ANKRD11: variants seen among roughly 807,000 people sequenced by gnomAD.
ANKRD11 encodes ankyrin repeat domain-containing protein 11.
A neutral mutation model predicts 195.7 loss-of-function variants in ANKRD11; 17 were observed. The observed-to-expected ratio is 0.09, with a 90% confidence interval of 0.06 to 0.13. The LOEUF (loss-of-function observed/expected upper bound fraction) is 0.13. ANKRD11 is among the 10% of genes least tolerant of loss of function. The pLI, the probability that ANKRD11 is intolerant of heterozygous loss-of-function variation, is 1.00. For missense variants in ANKRD11, 3,735 were observed against 3,566.1 expected (o/e 1.05, Z -1.21); for synonymous variants, 1,953 against 1,528.1 (o/e 1.28, Z -6.49).
chr16:89,429,165 C>T (rs1298060734), intron 1 of ANKRD11, among the ~76,000 whole-genome samples: 1 of 143,808 alleles, frequency 7.0e-6, no homozygotes, highest in Non-Finnish European at 1.5e-5. Context: ...TTCTAGTACA[C>T]AGCAGGGATT....
intron 2 of ANKRD11, among the ~76,000 whole-genome samples, chr16:89,359,817 T>C (rs2039653629): frequency 6.6e-6 from 1 of 152,236 alleles, no homozygotes. Context: ...ATAGTTTTTA[T>C]TCAATTCTTG....
In ANKRD11 at chr16:89,282,818, C is replaced by T. The variant is rs1193737081; in HGVS notation, c.3724G>A (p.Ala1242Thr). 3 of 1,611,150 alleles carry T rather than the reference C, an allele frequency of 1.9e-6. No homozygotes were observed. The highest frequency in any genetic ancestry group is 1.7e-6 in the Non-Finnish European group (2 of 1,180,000). The change falls in exon 9 of 13, where the codon GCT becomes ACT. Residue 1242 changes from alanine (A) to threonine (T), a missense_variant. Physicochemically the swap from Ala to Thr is moderately conservative, Grantham distance 58. Transcript: ENST00000301030. The part of the protein sequence containing the change: ...KKNKQKLPEK[A>T]EKKHAAEDKA... ...TCTTCGGCAGCGTGCTTCTTTTCAGCCTTCTCGGGGAGCTTCTGTTTATTT... is the reference window on the plus strand; with the variant it reads ...TCTTCGGCAGCGTGCTTCTTTTCAGTCTTCTCGGGGAGCTTCTGTTTATTT...
chr16:89,270,438 C>T (rs892144071), intron 12 of ANKRD11: 9 of 362,532 alleles, frequency 2.5e-5, no homozygotes, highest in South Asian at 6.7e-5. Context: ...CTGCCCTTCC[C>T]GGCACCTCCC....
intron 1 of ANKRD11, among the ~76,000 whole-genome samples, chr16:89,421,155 CA>C (rs2042495142): frequency 6.9e-6 from 1 of 145,678 alleles, no homozygotes; most frequent in Non-Finnish European, 1.5e-5. Context: ...ATGACGGAGT[CA>C]GGGATGGGAC....
chr16:89,286,113 A>C lies in ANKRD11; in HGVS notation c.818T>G (p.Val273Gly). Reference protein sequence around the residue: ...SNRKGETPLKVANSPTMVNLL... With the variant: ...SNRKGETPLKGANSPTMVNLL... ...GTTCACCATCGTGGGGGAGTTGGCCACTTTCAGCGGCGTCTCGCCTTTCCT... is the reference window on the plus strand; with the variant it reads ...GTTCACCATCGTGGGGGAGTTGGCCCCTTTCAGCGGCGTCTCGCCTTTCCT... Residue 273 changes from valine (V) to glycine (G), a missense_variant, in exon 8 of 13, where the codon GTG becomes GGG. Physicochemically the swap from Val to Gly is moderately radical, Grantham distance 109. Coordinates refer to ENST00000301030, the MANE Select transcript of ANKRD11 (RefSeq NM_013275.6). 6.2e-7 allele frequency: 1 copy of C among 1,614,190 alleles called. No individual in the cohort carries two copies. Among genetic ancestry groups the C allele is most frequent in the Non-Finnish European group, 8.5e-7 (1 of 1,180,044 alleles).
chr16:89,345,369 G>T (rs1261416903), intron 2 of ANKRD11, among the ~76,000 whole-genome samples: 1 of 151,870 alleles, frequency 6.6e-6, no homozygotes, highest in Non-Finnish European at 1.5e-5. Flanking sequence ...CCCATCTGGG[G>T]AGGCTCTGCC....
chr16:89,472,639 T>A (rs2057127073), intron 1 of ANKRD11, among the ~76,000 whole-genome samples: 2 of 152,204 alleles, frequency 1.3e-5, no homozygotes, highest in African/African-American at 4.8e-5. Context: ...CTTATTCCAT[T>A]CTAATGGCTG....
At chr16:89,476,895 C>G (rs188763409) in intron 1 of ANKRD11, among the ~76,000 whole-genome samples, 2 of 152,234 alleles carry the variant, frequency 1.3e-5, no homozygotes, top group Admixed American at 6.5e-5. Flanking sequence ...CTCACAGTAT[C>G]GCGTAACACA....
intron 1 of ANKRD11, among the ~76,000 whole-genome samples, chr16:89,443,889 C>T (rs532897109): frequency 1.3e-5 from 2 of 152,246 alleles, no homozygotes; most frequent in South Asian, 4.1e-4. Context: ...GAGGAAAGTG[C>T]CAACAAAGCC....
At position 89,334,144 on chromosome 16, in the gene ANKRD11, TAA is replaced by T. The variant is rs869142504; in HGVS notation, c.-59-17068_-59-17067del. Reference sequence around the variant, plus strand: ...GGTAACATGATGAAACCCTGTGTTTTAAAAAAAAAAAAAAAAAAAAAAAAAAA... The same window carrying T: ...GGTAACATGATGAAACCCTGTGTTTTAAAAAAAAAAAAAAAAAAAAAAAAA... On this transcript the variant is annotated intron_variant, in intron 2 of 12. Coordinates refer to ENST00000301030, the MANE Select transcript of ANKRD11 (RefSeq NM_013275.6). Among the ~76,000 whole-genome samples the T allele has an allele frequency of 9.8e-3, 405 of 41,420 alleles. 8 individuals are homozygous for T. Among genetic ancestry groups the T allele is most frequent in the African/African-American group, 0.036 (375 of 10,454 alleles). 27.2% of individuals were successfully genotyped at this position (41,420 alleles called of 152,430 possible). A position where few individuals can be genotyped will look rare whatever the true frequency, so the allele number is the denominator to read the frequency against.
intron 12 of ANKRD11, 152 bp from the exon 13 acceptor site, chr16:89,268,815 C>T: frequency 1.2e-6 from 1 of 863,544 alleles, no homozygotes; most frequent in Non-Finnish European, 1.8e-6. Context: ...CTCCTGGCAT[C>T]TAGTTACTAC....
At chr16:89,433,861 G>C (rs1436175433) in intron 1 of ANKRD11, among the ~76,000 whole-genome samples, 1 of 152,194 alleles carries the variant, frequency 6.6e-6, no homozygotes, top group Non-Finnish European at 1.5e-5. Context: ...AGAGAAAAGG[G>C]GCTGCTCTCT....
intron 1 of ANKRD11, among the ~76,000 whole-genome samples, chr16:89,442,500 C>T (rs137942175): frequency 9.8e-5 from 15 of 152,300 alleles, no homozygotes; most frequent in South Asian, 6.2e-4. Context: ...TTCCCCCACA[C>T]GCTGTTTGTC....
rs1466705024 is a variant in ANKRD11, at chr16:89,290,564, CTGGGGGAGGCTCAGGGCTCCAG to C, written c.601+39_601+60del. 3.9e-6 allele frequency: 6 copies of C among 1,520,232 alleles called. No homozygotes were observed. The Admixed American group carries it at 5.3e-5, about 13-fold the overall frequency. The allele number at this position is 1,520,232 out of a possible 1,614,324, so 94.2% of individuals were successfully genotyped here. On this transcript the variant is annotated intron_variant, in intron 6 of 12. Coordinates refer to ENST00000301030, the MANE Select transcript of ANKRD11 (RefSeq NM_013275.6). ...CAATGGGGGGAGGCTCAGGACTCCA[CTGGGGGAGGCTCAGGGCTCCAG>C]TGGGGCTCTCTGGCCCTTGCCAGGC... is the stretch of plus-strand genomic sequence containing the variant.
intron 2 of ANKRD11, among the ~76,000 whole-genome samples, chr16:89,377,268 GGAGAGA>G (rs141718850): frequency 3.3e-5 from 5 of 150,480 alleles, no homozygotes; most frequent in African/African-American, 7.3e-5. Flanking sequence ...TGTCAACATG[GGAGAGA>G]GAGAGAGAGA....
chr16:89,402,058 C>G (rs1257544610), intron 2 of ANKRD11, among the ~76,000 whole-genome samples: 1 of 151,926 alleles, frequency 6.6e-6, no homozygotes, highest in Admixed American at 6.6e-5. Flanking sequence ...TTTATCACGG[C>G]AGCCCCGAAA....
In ANKRD11 at chr16:89,282,963, C is replaced by T. The variant is rs201272140; in HGVS notation, c.3579G>A (p.Ala1193=). The change falls in exon 9 of 13, where the codon GCG becomes GCA. Residue 1193 remains alanine (A), a synonymous_variant. Transcript: ENST00000301030. ...DRRKDRGAAD[A]GRDKKEKVFE... ...AGACTTTCTCTTTTTTGTCTCTCCC[C>T]GCGTCGGCAGCCCCTCGGTCCTTTC... The T allele has an allele frequency of 5.7e-5, 92 of 1,613,378 alleles. No homozygotes were observed. Among genetic ancestry groups the T allele is most frequent in the Non-Finnish European group, 6.9e-5 (82 of 1,180,010 alleles).
At chr16:89,408,401 G>A (rs1034210698) in intron 2 of ANKRD11, among the ~76,000 whole-genome samples, 2 of 152,242 alleles carry the variant, frequency 1.3e-5, no homozygotes, top group African/African-American at 2.4e-5. Flanking sequence ...CAGTTGCCTG[G>A]GCAGAGGAGG....
intron 1 of ANKRD11, among the ~76,000 whole-genome samples, chr16:89,433,687 G>C (rs902349202): frequency 1.3e-5 from 2 of 149,320 alleles, no homozygotes; most frequent in African/African-American, 2.5e-5. Flanking sequence ...GGGCTTGGAC[G>C]CAGCAGGGCT....
Sources: allele counts gnomAD v4.1 joint callset (sites outside exome capture counted in the v4.1 genomes callset), GRCh38; gene constraint gnomAD v4.1.1; transcripts MANE v1.5; gene names NCBI Gene and HGNC (gene_info 2026-07-23, HGNC 2026-07-21).